Variants in MYO18B observed in about 807,000 individuals in gnomAD.
MYO18B encodes the protein unconventional myosin-XVIIIb.
Under a neutral mutation model 273.0 loss-of-function variants are expected in MYO18B, and 204 were observed. The ratio of observed to expected loss-of-function variants is 0.75; its 90% CI spans 0.67 to 0.84. The LOEUF is 0.84. Ranked by LOEUF, MYO18B falls within the 40% of genes least tolerant of loss-of-function variation. The pLI, the probability that MYO18B is intolerant of heterozygous loss-of-function variation, is 0.00. For missense variants in MYO18B, 3,212 were observed against 3,287.6 expected (o/e 0.98, Z 0.56); for synonymous variants, 1,330 against 1,305.7 (o/e 1.02, Z -0.40).
Position 25,846,220 on chromosome 22 carries a change from C to T in MYO18B, c.3489C>T (p.Thr1163=), listed in dbSNP as rs774496948. 11 of 1,612,440 alleles carry T rather than the reference C, an allele frequency of 6.8e-6. No homozygotes were observed. The African/African-American group carries it at 1.5e-4, about 22-fold the overall frequency. The change falls in exon 19 of 44, where the codon ACC becomes ACT. Residue 1163 remains threonine (T), a synonymous_variant. Coordinates refer to ENST00000335473, the MANE Select transcript of MYO18B (RefSeq NM_032608.7). The part of the protein sequence containing the change: ...ALQRSRMVRR[T]FASSLAAVRR... ...AGAGGAGCCGCATGGTGAGGAGGAC[C>T]TTTGCCAGCAGCCTTGCCGCGGTGA...
At chr22:25,943,782 C>T (rs549446609) in intron 34 of MYO18B, among the ~76,000 whole-genome samples, 7 of 140,544 alleles carry the variant, frequency 5.0e-5, no homozygotes, top group South Asian at 4.5e-4. Context: ...TGCAATGGTG[C>T]GATCTCGGCT....
chr22:25,831,065 G>C (rs1412069600), intron 15 of MYO18B, among the ~76,000 whole-genome samples: 4 of 152,154 alleles, frequency 2.6e-5, no homozygotes, highest in Non-Finnish European at 5.9e-5. Flanking sequence ...CTATCCAGAG[G>C]CAACCATTGT....
Position 25,760,478 on chromosome 22 carries a change from C to T in MYO18B, c.-109-506C>T, listed in dbSNP as rs188280255. Among the ~76,000 whole-genome samples, 28 of 148,732 alleles carry T rather than the reference C, an allele frequency of 1.9e-4. No homozygotes were observed. The Middle Eastern group carries it at 0.011, about 57-fold the overall frequency. On this transcript the variant is annotated intron_variant, in intron 1 of 43. Coordinates refer to ENST00000335473, the MANE Select transcript of MYO18B (RefSeq NM_032608.7). ...TGGTTTCCCTTCAGGAAATATTGAC[C>T]AGAAGGGAGCATGAGGGAAGTTCTA...
intron 1 of MYO18B, among the ~76,000 whole-genome samples, chr22:25,760,411 CAAAAA>C (rs60732274): frequency 8.2e-5 from 5 of 61,084 alleles, no homozygotes; most frequent in East Asian, 7.7e-4. Context: ...GACTCCATCT[CAAAAA>C]AAAAAAAAAA....
At chr22:25,858,590 G>A (rs1427641240) in intron 21 of MYO18B, among the ~76,000 whole-genome samples, 1 of 152,230 alleles carries the variant, frequency 6.6e-6, no homozygotes, top group Non-Finnish European at 1.5e-5. Flanking sequence ...GAACATTGGA[G>A]AGAAAGCTCT....
intron 42 of MYO18B, among the ~76,000 whole-genome samples, chr22:26,018,861 C>T (rs6519633): frequency 0.46 from 69,789 of 151,826 alleles, 16,601 homozygotes; most frequent in Non-Finnish European, 0.53. Context: ...GAGGCTGAGG[C>T]AGGAGAATTG....
chr22:25,748,755 C>G (rs1299577080), intron 1 of MYO18B, among the ~76,000 whole-genome samples: 1 of 152,200 alleles, frequency 6.6e-6, no homozygotes, highest in Non-Finnish European at 1.5e-5. Flanking sequence ...TCACTCATCC[C>G]TCTCCCTTTC....
intron 25 of MYO18B, among the ~76,000 whole-genome samples, chr22:25,881,256 C>T (rs916820889): frequency 6.6e-5 from 10 of 152,210 alleles, no homozygotes; most frequent in Admixed American, 3.3e-4. Context: ...GAGTTGGCCA[C>T]GGAGAAGGCA....
chr22:25,801,445 CCTCTCTGAGCCTCAGT>C (rs1233417591), intron 12 of MYO18B, among the ~76,000 whole-genome samples: 1 of 152,174 alleles, frequency 6.6e-6, no homozygotes, highest in Middle Eastern at 3.2e-3. Context: ...CCTGGCTCAG[CCTCTCTGAGCCTCAGT>C]CTCTTCCTCT....
intron 13 of MYO18B, among the ~76,000 whole-genome samples, chr22:25,825,236 C>T (rs117928742): frequency 0.031 from 4,725 of 152,070 alleles, 141 homozygotes; most frequent in East Asian, 0.12. Flanking sequence ...AGGGGACCTT[C>T]GGGCTTAGGA....
intron 33 of MYO18B, among the ~76,000 whole-genome samples, chr22:25,915,560 G>C (rs2092248193): frequency 6.6e-6 from 1 of 152,102 alleles, no homozygotes; most frequent in African/African-American, 2.4e-5. Context: ...ATGTAATGTG[G>C]CACGTGACTG....
At chr22:25,770,805 G>T in intron 5 of MYO18B, 67 bp from the exon 6 acceptor site, 3 of 1,168,626 alleles carry the variant, frequency 2.6e-6, no homozygotes, top group East Asian at 2.6e-5. Context: ...TCCTGCCCTC[G>T]CCTCTTTCCC....
At chr22:26,032,301 G>A (rs1459568678), downstream of MYO18B, among the ~76,000 whole-genome samples, 1 of 152,170 alleles carries the variant, frequency 6.6e-6, no homozygotes, top group Non-Finnish European at 1.5e-5. Flanking sequence ...TGTTTCTGGA[G>A]GCAGGAAGTC....
chr22:26,062,198 A>G, the MYO18B span, among the ~76,000 whole-genome samples: 2 of 152,074 alleles, frequency 1.3e-5, no homozygotes, highest in East Asian at 3.9e-4. Context: ...GACCTTTTCC[A>G]TCTGGTATGG....
At chr22:25,742,623 A>T (rs185965561) in intron 1 of MYO18B, among the ~76,000 whole-genome samples, 1 of 152,236 alleles carries the variant, frequency 6.6e-6, no homozygotes, top group East Asian at 1.9e-4. Flanking sequence ...TCCACTGTGA[A>T]TCTTTGCCCG....
At chr22:25,823,796 G>T (rs1047121789) in intron 13 of MYO18B, 118 bp downstream of exon 13, 6 of 1,102,878 alleles carry the variant, frequency 5.4e-6, no homozygotes, top group Non-Finnish European at 7.9e-6. Flanking sequence ...TGCTATGAAG[G>T]CGTGTGTTAG....
intron 25 of MYO18B, chr22:25,884,793 A>G (rs921054799): frequency 1.3e-5 from 2 of 152,190 alleles, no homozygotes; most frequent in Admixed American, 1.3e-4. Context: ...CTTCATTGCT[A>G]CAAGATTGTG....
intron 39 of MYO18B, among the ~76,000 whole-genome samples, chr22:25,966,213 A>C (rs1281063769): frequency 6.6e-6 from 1 of 152,202 alleles, no homozygotes; most frequent in Non-Finnish European, 1.5e-5. Context: ...GGCCTTAGGA[A>C]GCCCAAAGTC....
rs2090151385 is a variant in MYO18B at position 25,843,715 on chromosome 22, G to A, written c.3209-20G>A. 1 of 1,606,306 alleles carries A rather than the reference G, an allele frequency of 6.2e-7. No individual in the cohort carries two copies. The highest frequency in any genetic ancestry group is 8.5e-7 in the Non-Finnish European group (1 of 1,173,794). On this transcript the variant is annotated intron_variant, in intron 17 of 43. Transcript: ENST00000335473. ...GTCCTCAACAGGCTCCAGCACTCATGCCACCATGTCTGTTTCCAGGGTCCT... is the reference window on the plus strand; with the variant it reads ...GTCCTCAACAGGCTCCAGCACTCATACCACCATGTCTGTTTCCAGGGTCCT...
Sources: allele counts gnomAD v4.1 joint callset (sites outside exome capture counted in the v4.1 genomes callset), GRCh38; gene constraint gnomAD v4.1.1; transcripts MANE v1.5; gene names NCBI Gene and HGNC (gene_info 2026-07-23, HGNC 2026-07-21).